The following PAX2 variants were observed in gnomAD, a reference collection of about 807,000 sequenced individuals.
The protein encoded by PAX2 is paired box 2.
A neutral mutation model predicts 41.7 loss-of-function variants in PAX2; 9 were observed. The ratio of observed to expected loss-of-function variants is 0.22; its 90% confidence interval spans 0.13 to 0.38. The LOEUF (loss-of-function observed/expected upper bound fraction) is 0.38. Among genes scored for constraint, PAX2 ranks in the 10% least tolerant of loss-of-function variants. The pLI is 1.00. For missense variants in PAX2, 418 were observed against 531.6 expected (o/e 0.79, Z 2.10); for synonymous variants, 221 against 212.7 (o/e 1.04, Z -0.34).
chr10:100,801,073 C>T (rs1847545765), intron 5 of PAX2, among the ~76,000 whole-genome samples: 1 of 152,292 alleles, frequency 6.6e-6, no homozygotes, highest in East Asian at 1.9e-4. Flanking sequence ...CTGTCAGTAG[C>T]CCCACACTCT....
Position 100,829,223 on chromosome 10 carries a change from C to T in PAX2, c.*1604C>T. 1 of 232,088 alleles carries T rather than the reference C, an allele frequency of 4.3e-6. No individual in the cohort carries two copies. The highest frequency in any genetic ancestry group is 8.5e-6 in the Non-Finnish European group (1 of 117,348). The allele number at this position is 232,088 out of a possible 1,614,324, so 14.4% of individuals were successfully genotyped here. On this transcript the variant is annotated 3_prime_UTR_variant, in exon 10 of 10. Coordinates refer to ENST00000355243, the MANE Select transcript of PAX2 (RefSeq NM_000278.5). ...TTTTCGCTTTTTCCTCCCTGCCCCT[C>T]TCTCCCTCTGCCCCTCTCTCCTCTC...
At chr10:100,803,678 G>T (rs1180572194) in intron 5 of PAX2, among the ~76,000 whole-genome samples, 2 of 151,940 alleles carry the variant, frequency 1.3e-5, no homozygotes, top group Non-Finnish European at 2.9e-5. Context: ...GGGGGGTGGG[G>T]GTTCTCCGCA....
chr10:100,786,100 A>C (rs1472366199), intron 5 of PAX2, among the ~76,000 whole-genome samples: 1 of 152,252 alleles, frequency 6.6e-6, no homozygotes, highest in Non-Finnish European at 1.5e-5. Flanking sequence ...AAGTTGTGTT[A>C]GAAAGAAATT....
At position 100,787,462 on chromosome 10, in the gene PAX2, G is replaced by A. The variant is rs536073406; in HGVS notation, c.616+6097G>A. Among the ~76,000 whole-genome samples the A allele has an allele frequency of 1.3e-3, 193 of 152,194 alleles. 2 individuals are homozygous for A. Among genetic ancestry groups the A allele is most frequent in the South Asian group, 3.3e-3 (16 of 4,810 alleles). On this transcript the variant is annotated intron_variant, in intron 5 of 9. Transcript: ENST00000355243. ...AGAATGGAAGGGAGGTGGGAGGGCC[G>A]GATAAGGCAGAGATGGTAAAAGGAA...
At chr10:100,741,825 C>G (rs1276430816), upstream of PAX2, among the ~76,000 whole-genome samples, 2 of 152,204 alleles carry the variant, frequency 1.3e-5, no homozygotes, top group Non-Finnish European at 2.9e-5. Context: ...AGCTTTTTCC[C>G]CTCTGAACTT....
At chr10:100,770,942 C>A (rs1409694296) in intron 3 of PAX2, among the ~76,000 whole-genome samples, 5 of 152,098 alleles carry the variant, frequency 3.3e-5, no homozygotes, top group African/African-American at 1.2e-4. Context: ...TCCAAGGATC[C>A]CCTTGAGAAA....
rs377093991 is a variant in PAX2, at chr10:100,746,347, G to A, written c.43+44G>A. The A allele has an allele frequency of 4.5e-6, 6 of 1,333,444 alleles. No individual in the cohort carries two copies. In the African/African-American group the frequency reaches 7.2e-5, roughly 16 times the overall value. 82.6% of individuals were successfully genotyped at this position (1,333,444 alleles called of 1,614,324 possible). On this transcript the variant is annotated intron_variant, in intron 1 of 9. Transcript: ENST00000355243. ...CTCCTGTCCCGGCTCGGGGCTCTCC[G>A]TCCCAACCCTGTCCAGTCCCAGCGT...
chr10:100,739,568 C>G (rs1232210102), intron 1 of PAX2, among the ~76,000 whole-genome samples: 2 of 152,242 alleles, frequency 1.3e-5, no homozygotes, highest in Non-Finnish European at 2.9e-5. Flanking sequence ...CGCGCTCACC[C>G]GCGGGGACCC....
rs545630091 is a variant in PAX2, at chr10:100,828,558, C to A, written c.*939C>A. ...CTCGCAGCCCCATCGGACGCTCTCC[C>A]GGGACCGCCGCAGGACCAGTTTCCA... is the stretch of plus-strand genomic sequence containing the variant. On this transcript the variant is annotated 3_prime_UTR_variant, in exon 10 of 10. Transcript: ENST00000355243. This position sits in a 1 kb window ranked among gnomAD's most constrained non-coding sequence, Gnocchi z 6.5. 2 of 233,312 alleles carry A rather than the reference C, an allele frequency of 8.6e-6. No individual in the cohort carries two copies. Among genetic ancestry groups the A allele is most frequent in the Middle Eastern group, 1.3e-3 (1 of 788 alleles). 14.5% of individuals were successfully genotyped at this position (233,312 alleles called of 1,614,324 possible). A position where few individuals can be genotyped will look rare whatever the true frequency, so the allele number is the denominator to read the frequency against.
At chr10:100,783,022 G>GC (rs1846697222) in intron 5 of PAX2, among the ~76,000 whole-genome samples, 1 of 152,240 alleles carries the variant, frequency 6.6e-6, no homozygotes, top group African/African-American at 2.4e-5. Context: ...GGCCAAGTAT[G>GC]CCAACCTCGT....
At chr10:100,813,653 G>T (rs546673837) in intron 7 of PAX2, among the ~76,000 whole-genome samples, 1 of 152,352 alleles carries the variant, frequency 6.6e-6, no homozygotes, top group Admixed American at 6.5e-5. Context: ...GAAGGGGGCA[G>T]AATGGAAGGT....
chr10:100,749,336 C>T (rs1003909714), intron 1 of PAX2: 2 of 1,011,238 alleles, frequency 2.0e-6, no homozygotes, highest in African/African-American at 3.4e-5. Flanking sequence ...CCCGGGTTGC[C>T]TGCGGCGCAG....
intron 7 of PAX2, among the ~76,000 whole-genome samples, chr10:100,812,756 G>A (rs1269444896): frequency 6.6e-6 from 1 of 152,248 alleles, no homozygotes; most frequent in African/African-American, 2.4e-5. Flanking sequence ...GTTGATCTGG[G>A]AGGAGAAGAT....
Position 100,748,255 on chromosome 10 carries a change from G to A in PAX2, c.44-1491G>A. On this transcript the variant is annotated intron_variant, in intron 1 of 9. Transcript: ENST00000355243. The surrounding 1 kb of genome is among the most constrained non-coding windows in gnomAD (Gnocchi z 5.0). ...CATACCGGTAACGCGAGTTCTCCCG[G>A]GGCCTAAATTATTGATGGTCGGGGT... 1.0e-6 allele frequency: 1 copy of A among 985,184 alleles called. No individual in the cohort carries two copies. The allele number at this position is 985,184 out of a possible 1,614,324, so 61.0% of individuals were successfully genotyped here.
chr10:100,764,501 G>C (rs1845952132), intron 3 of PAX2, among the ~76,000 whole-genome samples: 1 of 152,188 alleles, frequency 6.6e-6, no homozygotes. Flanking sequence ...GAACAGAATT[G>C]TGTATCATGA....
rs757835217 is a variant in PAX2 at position 100,827,585 on chromosome 10, C to G, written c.1151C>G (p.Pro384Arg). Residue 384 changes from proline to arginine, a missense_variant, in exon 10 of 10, where the codon CCT (proline) becomes CGT (arginine). This residue lies in a region of PAX2 where 310 missense variants were observed against 325.2 expected (regional missense o/e 0.95). Coordinates refer to ENST00000355243, the MANE Select transcript of PAX2 (RefSeq NM_000278.5). The surrounding 1 kb of genome is among the most constrained non-coding windows in gnomAD (Gnocchi z 8.5). ...AGTGCCGCCCCCCGGGGCTCCGCCC[C>G]TGCCGCTGCTGCCGCTGCCTATGAC... is the stretch of plus-strand genomic sequence containing the variant. The part of the protein sequence containing the change: ...YYSAAPRGSA[P>R]AAAAAAYDRH 1 of 1,613,742 alleles carries G rather than the reference C, an allele frequency of 6.2e-7. No homozygotes were observed. Among genetic ancestry groups the G allele is most frequent in the African/African-American group, 1.3e-5 (1 of 74,938 alleles).
intron 6 of PAX2, among the ~76,000 whole-genome samples, chr10:100,807,117 A>G (rs181610813): frequency 6.6e-6 from 1 of 152,252 alleles, no homozygotes; most frequent in African/African-American, 2.4e-5. Context: ...AACCCTAGGT[A>G]GGCTGGCAGC....
intron 7 of PAX2, among the ~76,000 whole-genome samples, chr10:100,821,989 T>G (rs1848392487): frequency 6.6e-6 from 1 of 152,198 alleles, no homozygotes; most frequent in African/African-American, 2.4e-5. Flanking sequence ...CTCTAGGAAT[T>G]GATTTTGATA....
chr10:100,766,603 G>A (rs568190663), intron 3 of PAX2, among the ~76,000 whole-genome samples: 13 of 152,306 alleles, frequency 8.5e-5, no homozygotes, highest in East Asian at 1.9e-4. Context: ...TGGTAAAGTC[G>A]TAACTGTTCA....
Sources: gnomAD v4.1 joint callset for allele counts (sites outside exome capture counted in the v4.1 genomes callset) on GRCh38, gnomAD v4.1.1 for gene constraint, gnomAD v4.1.1 regional missense constraint, Gnocchi (gnomAD v3.1) non-coding constraint, MANE v1.5 for transcripts, NCBI Gene and HGNC (gene_info 2026-07-23, HGNC 2026-07-21) for gene names.